The following STRIP1 variants were observed in gnomAD, a reference collection of about 807,000 sequenced individuals.
The protein encoded by STRIP1 is striatin interacting protein 1.
A neutral mutation model predicts 106.2 loss-of-function variants in STRIP1; 63 were observed. The ratio of observed to expected loss-of-function variants is 0.59; its 90% CI spans 0.48 to 0.73. STRIP1 has a LOEUF of 0.73. Ranked by LOEUF, STRIP1 falls within the 30% of genes least tolerant of loss-of-function variation. The pLI is 0.00. For missense variants in STRIP1, 857 were observed against 1,074.8 expected (o/e 0.80, Z 2.83); for synonymous variants, 390 against 413.0 (o/e 0.94, Z 0.67).
At chr1:110,035,851 CT>C (rs749831161) in intron 1 of STRIP1, among the ~76,000 whole-genome samples, 2 of 152,152 alleles carry the variant, frequency 1.3e-5, no homozygotes, top group Non-Finnish European at 2.9e-5. Flanking sequence ...GTTAGCAAGG[CT>C]AAACCCCTGA....
intron 17 of STRIP1, 125 bp downstream of exon 17, chr1:110,049,685 T>C: frequency 3.0e-6 from 2 of 659,802 alleles, no homozygotes; most frequent in Non-Finnish European, 5.2e-6. Flanking sequence ...CATCAAGACA[T>C]AAAGATAAAT....
intron 9 of STRIP1, among the ~76,000 whole-genome samples, 172 bp downstream of exon 9, chr1:110,043,442 G>GT (rs1652871546): frequency 6.6e-6 from 1 of 152,244 alleles, no homozygotes; most frequent in African/African-American, 2.4e-5. Flanking sequence ...TGTATGGTGA[G>GT]TGCTCAGCAC....
intron 2 of STRIP1, 85 bp downstream of exon 2, chr1:110,038,045 C>A (rs535523834): frequency 2.1e-5 from 12 of 573,566 alleles, no homozygotes; most frequent in South Asian, 2.1e-4. Flanking sequence ...TCATTTAGGG[C>A]TTCATTGCTT....
intron 15 of STRIP1, among the ~76,000 whole-genome samples, chr1:110,048,852 A>T (rs1057241819): frequency 2.0e-5 from 3 of 152,196 alleles, no homozygotes; most frequent in Non-Finnish European, 2.9e-5. Context: ...AAAGGAGAAG[A>T]AGTTCATTTT....
Position 110,034,740 on chromosome 1 carries a change from G to A in STRIP1, c.103G>A (p.Ala35Thr). 2.7e-6 allele frequency: 4 copies of A among 1,474,696 alleles called. No homozygotes were observed. Among genetic ancestry groups the A allele is most frequent in the Non-Finnish European group, 3.6e-6 (4 of 1,119,180 alleles). The allele number at this position is 1,474,696 out of a possible 1,614,324, so 91.4% of individuals were successfully genotyped here. Residue 35 changes from alanine (A) to threonine (T), a missense_variant, in exon 1 of 21, where the codon GCA (alanine) becomes ACA (threonine). Ala to Thr is a moderately conservative substitution (Grantham distance 58). Transcript: ENST00000369795. ...PPAAAQPPPG[A>T]PRAAAGLLPG... ...GGCAGCCGCACAGCCACCACCCGGGGCACCGCGGGCCGCCGCGGGCCTCCT... is the reference window on the plus strand; with the variant it reads ...GGCAGCCGCACAGCCACCACCCGGGACACCGCGGGCCGCCGCGGGCCTCCT...
intron 11 of STRIP1, 34 bp from the exon 12 acceptor site, chr1:110,044,981 C>G: frequency 6.2e-7 from 1 of 1,613,468 alleles, no homozygotes; most frequent in Non-Finnish European, 8.5e-7. Flanking sequence ...GATTTGATGT[C>G]GAGGCTCAAC....
chr1:110,039,801 T>G (rs1166550549), intron 5 of STRIP1: 9 of 1,339,936 alleles, frequency 6.7e-6, no homozygotes, highest in Admixed American at 4.4e-5. Context: ...CTCTTCACTT[T>G]GAGCTCTCTT....
At chr1:110,040,763 G>A (rs1004553653) in intron 6 of STRIP1, 60 bp downstream of exon 6, 2 of 1,461,934 alleles carry the variant, frequency 1.4e-6, no homozygotes, top group Non-Finnish European at 9.3e-7. Flanking sequence ...TCAGAGCAGG[G>A]TGTGGGAGGC....
chr1:110,048,129 C>T (rs907315470), intron 15 of STRIP1: 98 of 450,592 alleles, frequency 2.2e-4, no homozygotes, highest in Middle Eastern at 6.4e-4. Context: ...ATTTCCTCCT[C>T]TGTAAAATGA....
chr1:110,041,894 T>C (rs761651857), intron 8 of STRIP1, 33 bp downstream of exon 8: 61 of 1,607,856 alleles, frequency 3.8e-5, no homozygotes, highest in Non-Finnish European at 5.2e-5. Flanking sequence ...AGAACGGTGC[T>C]ATGGGATGGG....
Position 110,034,827 on chromosome 1 carries a change from T to C in STRIP1, c.180+10T>C, listed in dbSNP as rs917257956. Reference sequence around the variant, plus strand: ...GCGCAAAGACTCAGAGGTCAGGAGCTTCGGGGGGCGAGGCTCGCACCGGGT... The same window carrying C: ...GCGCAAAGACTCAGAGGTCAGGAGCCTCGGGGGGCGAGGCTCGCACCGGGT... On this transcript the variant is annotated intron_variant, in intron 1 of 20. Coordinates refer to ENST00000369795, the MANE Select transcript of STRIP1 (RefSeq NM_033088.4). 3 of 1,378,580 alleles carry C rather than the reference T, an allele frequency of 2.2e-6. No homozygotes were observed. The African/African-American group carries it at 4.6e-5, about 21-fold the overall frequency. The allele number at this position is 1,378,580 out of a possible 1,614,324, so 85.4% of individuals were successfully genotyped here. A position where few individuals can be genotyped will look rare whatever the true frequency, so the allele number is the denominator to read the frequency against.
In STRIP1 at chr1:110,039,217, C is replaced by T. The variant is rs368475939; in HGVS notation, c.371C>T (p.Thr124Ile). 3 of 1,614,060 alleles carry T rather than the reference C, an allele frequency of 1.9e-6. No homozygotes were observed. In the African/African-American group the frequency reaches 4.0e-5, roughly 22 times the overall value. ...GAGCTGGATACCAACCAGCACCGGA[C>T]CCATGCCATGAGGCTCCTGGATGGC... ...WTELDTNQHR[T>I]HAMRLLDGLE... Residue 124 changes from threonine to isoleucine, a missense_variant, in exon 4 of 21, where the codon ACC (threonine) becomes ATC (isoleucine). This residue lies in a region of STRIP1 where 750 missense variants were observed against 989.8 expected (regional missense o/e 0.76). Coordinates refer to ENST00000369795, the MANE Select transcript of STRIP1 (RefSeq NM_033088.4).
chr1:110,038,866 C>G (rs1430516895), intron 3 of STRIP1, 109 bp downstream of exon 3: 3 of 983,830 alleles, frequency 3.0e-6, no homozygotes, highest in Non-Finnish European at 4.6e-6. Context: ...GCCTGAGAAG[C>G]CTGCTGAACC....
intron 20 of STRIP1, among the ~76,000 whole-genome samples, chr1:110,052,737 T>C (rs1021495985): frequency 2.6e-5 from 4 of 152,182 alleles, no homozygotes; most frequent in African/African-American, 9.7e-5. Context: ...CCCAAAGTGC[T>C]GGGATTACAG....
intron 5 of STRIP1, 123 bp downstream of exon 5, chr1:110,039,638 T>G: frequency 8.1e-7 from 1 of 1,234,726 alleles, no homozygotes; most frequent in Non-Finnish European, 1.1e-6. Context: ...CCAGGCTGTG[T>G]TCTGACCACC....
chr1:110,040,958 TCA>T (rs1471585320), intron 6 of STRIP1, among the ~76,000 whole-genome samples: 2 of 152,210 alleles, frequency 1.3e-5, no homozygotes, highest in Non-Finnish European at 2.9e-5. Flanking sequence ...GGCCTCCTAC[TCA>T]CACTGTTACT....
intron 1 of STRIP1, among the ~76,000 whole-genome samples, chr1:110,036,551 G>T (rs921757599): frequency 6.6e-6 from 1 of 152,210 alleles, no homozygotes. Flanking sequence ...TTTCTTTATA[G>T]AGAGTCTGAT....
At chr1:110,041,712 G>T in intron 7 of STRIP1, 22 bp from the exon 8 acceptor site, 1 of 1,614,130 alleles carries the variant, frequency 6.2e-7, no homozygotes, top group South Asian at 1.1e-5. Flanking sequence ...GGAGGGTCCT[G>T]ATACCTTTGT....
At position 110,047,786 on chromosome 1, in the gene STRIP1, G is replaced by A. The variant is rs1463216996; in HGVS notation, c.1578G>A (p.Lys526=). 3.2e-6 allele frequency: 5 copies of A among 1,569,458 alleles called. No homozygotes were observed. Among genetic ancestry groups the A allele is most frequent in the Non-Finnish European group, 8.7e-7 (1 of 1,156,022 alleles). The part of the protein sequence containing the change: ...SLPQYMIALL[K]ILLAAAPTSK... Reference sequence around the variant, plus strand: ...ACTCTTCCCAGATTGCCCTCCTGAAGATCCTGTTGGCTGCAGCACCCACCT... The same window carrying A: ...ACTCTTCCCAGATTGCCCTCCTGAAAATCCTGTTGGCTGCAGCACCCACCT... Residue 526 remains lysine (K), a synonymous_variant, in exon 15 of 21, where the codon AAG becomes AAA. Transcript: ENST00000369795.
Sources: allele counts gnomAD v4.1 joint callset (sites outside exome capture counted in the v4.1 genomes callset), GRCh38; gene constraint gnomAD v4.1.1; regional missense constraint gnomAD v4.1.1; transcripts MANE v1.5; gene names NCBI Gene and HGNC (gene_info 2026-07-23, HGNC 2026-07-21).